The following TEX36 variants were observed in gnomAD, a reference collection of about 807,000 sequenced individuals.
The protein encoded by TEX36 is testis-expressed protein 36.
Under a neutral mutation model 13.6 loss-of-function variants are expected in TEX36, and 12 were observed. The observed-to-expected ratio is 0.88, with a 90% confidence interval of 0.56 to 1.43. The LOEUF (loss-of-function observed/expected upper bound fraction) is 1.43. TEX36 is among the 40% of genes most tolerant of loss of function. TEX36 has a pLI of 0.00. For synonymous variants in TEX36, 93 were observed against 83.0 expected, an observed-to-expected ratio of 1.12 and a Z score of -0.65; for missense variants, 224 against 228.3, an observed-to-expected ratio of 0.98 and a Z score of 0.12.
downstream of TEX36, among the ~76,000 whole-genome samples, chr10:125,651,118 A>G (rs1379027495): frequency 6.6e-6 from 1 of 152,230 alleles, no homozygotes; most frequent in African/African-American, 2.4e-5. Context: ...ATCAATAGAA[A>G]AAGAGGGAAT....
chr10:125,622,757 G>A (rs889870075), intron 3 of TEX36, among the ~76,000 whole-genome samples: 4 of 152,190 alleles, frequency 2.6e-5, no homozygotes, highest in Admixed American at 6.5e-5. Context: ...TACCTTCATC[G>A]AGGAGTAGTA....
chr10:125,588,724 C>T (rs1845988242), intron 3 of TEX36, among the ~76,000 whole-genome samples: 1 of 152,202 alleles, frequency 6.6e-6, no homozygotes, highest in Non-Finnish European at 1.5e-5. Flanking sequence ...AAGCGATTCT[C>T]CTGCCTCAGC....
chr10:125,621,434 G>T (rs2133560137), downstream of TEX36, among the ~76,000 whole-genome samples: 1 of 152,094 alleles, frequency 6.6e-6, no homozygotes, highest in South Asian at 2.1e-4. Flanking sequence ...TGATGTGCAT[G>T]TCCCTAATGA....
At chr10:125,592,154 T>C (rs1846027966) in intron 3 of TEX36, among the ~76,000 whole-genome samples, 1 of 152,182 alleles carries the variant, frequency 6.6e-6, no homozygotes, top group Non-Finnish European at 1.5e-5. Flanking sequence ...CCTGGAGAAA[T>C]GCCCAACTTT....
At position 125,646,667 on chromosome 10, in the gene TEX36, G is replaced by A. The variant is rs370798074; in HGVS notation, c.264+14354C>T. Among the ~76,000 whole-genome samples the A allele has an allele frequency of 2.0e-3, 297 of 152,232 alleles. 1 individual carries two copies. The highest frequency in any genetic ancestry group is 6.9e-3 in the African/African-American group (287 of 41,544). ...TAAACATTCAAAATGTCAAAGGACA[G>A]GATGTGACTTGAAGAGCCTTAAAAA... On this transcript the variant is annotated intron_variant, in intron 3 of 3. Coordinates refer to the TEX36 transcript ENST00000526819.
At chr10:125,622,184 G>A (rs566646565) in intron 3 of TEX36, among the ~76,000 whole-genome samples, 13 of 152,290 alleles carry the variant, frequency 8.5e-5, no homozygotes, top group African/African-American at 2.2e-4. Flanking sequence ...TAATAAGGTC[G>A]TAATTATGCC....
chr10:125,649,225 GAAGGAAA>G (rs1317106494), intron 3 of TEX36, among the ~76,000 whole-genome samples: 3 of 152,160 alleles, frequency 2.0e-5, no homozygotes, highest in Admixed American at 6.5e-5. Flanking sequence ...AAGTTGAAAT[GAAGGAAA>G]AAATGTTAAG....
intron 3 of TEX36, among the ~76,000 whole-genome samples, chr10:125,626,266 G>A (rs1219582935): frequency 2.0e-5 from 3 of 152,114 alleles, no homozygotes; most frequent in Non-Finnish European, 2.9e-5. Context: ...CGGCTTGCTG[G>A]GGACCCAACC....
At chr10:125,595,268 C>A (rs1387102029) in intron 3 of TEX36, among the ~76,000 whole-genome samples, 2 of 151,518 alleles carry the variant, frequency 1.3e-5, no homozygotes, top group Admixed American at 6.6e-5. Context: ...AATAGGTTGT[C>A]CCTCCCTCAT....
At chr10:125,598,594 A>C (rs1489078163) in intron 3 of TEX36, among the ~76,000 whole-genome samples, 1 of 152,236 alleles carries the variant, frequency 6.6e-6, no homozygotes, top group East Asian at 1.9e-4. Context: ...AAGAAAATGA[A>C]TCCAGAAAGT....
At chr10:125,677,119 T>C (rs956076360) in intron 1 of TEX36, among the ~76,000 whole-genome samples, 6 of 152,224 alleles carry the variant, frequency 3.9e-5, no homozygotes, top group African/African-American at 1.4e-4. Context: ...TCCCTTGCTT[T>C]TTTAAAAAAT....
intron 3 of TEX36, among the ~76,000 whole-genome samples, chr10:125,587,943 A>G (rs576229525): frequency 1.3e-5 from 2 of 152,224 alleles, no homozygotes; most frequent in Admixed American, 1.3e-4. Flanking sequence ...ATCATCCCAT[A>G]TTAGCCGCTA....
intron 3 of TEX36, among the ~76,000 whole-genome samples, chr10:125,627,564 A>G (rs1301458332): frequency 1.3e-5 from 2 of 151,998 alleles, no homozygotes; most frequent in African/African-American, 4.8e-5. Flanking sequence ...ACATTATTCT[A>G]AAACAATCCT....
intron 3 of TEX36, among the ~76,000 whole-genome samples, chr10:125,601,705 A>C (rs1286566699): frequency 6.6e-6 from 1 of 152,134 alleles, no homozygotes; most frequent in Non-Finnish European, 1.5e-5. Context: ...CCTACCCTCA[A>C]TTGTTAGCAG....
intron 3 of TEX36, among the ~76,000 whole-genome samples, chr10:125,601,987 C>T (rs1454374188): frequency 6.6e-6 from 1 of 152,196 alleles, no homozygotes; most frequent in African/African-American, 2.4e-5. Context: ...CAAGGACCAT[C>T]CCCATACCCC....
At chr10:125,677,357 T>A (rs1357565880) in intron 1 of TEX36, among the ~76,000 whole-genome samples, 1 of 152,210 alleles carries the variant, frequency 6.6e-6, no homozygotes, top group Non-Finnish European at 1.5e-5. Flanking sequence ...GATCACTTTA[T>A]GTTATCCAAA....
chr10:125,588,969 G>A (rs1167481926), intron 3 of TEX36, among the ~76,000 whole-genome samples: 3 of 152,168 alleles, frequency 2.0e-5, no homozygotes, highest in Admixed American at 1.3e-4. Context: ...CCAATGGCTG[G>A]CACTAAGCCA....
At chr10:125,608,870 A>C (rs186247655) in intron 3 of TEX36, among the ~76,000 whole-genome samples, 2 of 151,684 alleles carry the variant, frequency 1.3e-5, no homozygotes, top group African/African-American at 4.8e-5. Flanking sequence ...CGCGGTGGCT[A>C]ACACCTGTAA....
At chr10:125,613,050 T>C (rs2133552913) in intron 3 of TEX36, among the ~76,000 whole-genome samples, 1 of 151,836 alleles carries the variant, frequency 6.6e-6, no homozygotes, top group South Asian at 2.1e-4. Context: ...GAAAGAAAAG[T>C]CCTGCCACCT....
Sources: allele counts gnomAD v4.1 joint callset (sites outside exome capture counted in the v4.1 genomes callset), GRCh38; gene constraint gnomAD v4.1.1; transcripts MANE v1.5; gene names NCBI Gene and HGNC (gene_info 2026-07-23, HGNC 2026-07-21).